The following MTTP variants were observed in gnomAD, a reference collection of about 807,000 sequenced individuals.
The protein encoded by MTTP is microsomal triglyceride transfer protein.
In MTTP, 49 loss-of-function variants were observed where a neutral mutation model predicts 90.6. The ratio of observed to expected loss-of-function variants is 0.54; its 90% confidence interval spans 0.43 to 0.69. The LOEUF (loss-of-function observed/expected upper bound fraction) is 0.69, where lower values mean the gene tolerates loss of function less well. Among genes scored for constraint, MTTP ranks in the 30% least tolerant of loss-of-function variants. The pLI is 0.00. For synonymous variants in MTTP, 347 were observed against 384.2 expected (o/e 0.90, Z 1.13); for missense variants, 945 against 1,067.5 (o/e 0.89, Z 1.60).
chr4:99,591,870 TTGTGTGTG>T (rs34883891), intron 6 of MTTP, 80 bp downstream of exon 6: 4 of 1,230,798 alleles, frequency 3.2e-6, no homozygotes, highest in Admixed American at 4.0e-5. Flanking sequence ...AGATCTGTGT[TTGTGTGTG>T]TGTGTGTGTG....
At chr4:99,578,815 G>T (rs1263626396) in intron 1 of MTTP, among the ~76,000 whole-genome samples, 1 of 152,112 alleles carries the variant, frequency 6.6e-6, no homozygotes, top group Non-Finnish European at 1.5e-5. Flanking sequence ...GTTGAACTTG[G>T]GGTCAGCTTC....
chr4:99,579,782 A>G (rs1165597743), intron 1 of MTTP, among the ~76,000 whole-genome samples: 1 of 152,140 alleles, frequency 6.6e-6, no homozygotes, highest in Non-Finnish European at 1.5e-5. Context: ...TCACACCTGT[A>G]ATCCCAGCAC....
At chr4:99,611,571 G>A in intron 14 of MTTP, 118 bp downstream of exon 14, 1 of 1,380,508 alleles carries the variant, frequency 7.2e-7, no homozygotes, top group Non-Finnish European at 1.0e-6. Flanking sequence ...GGTGGCTTCT[G>A]TCATATTTTG....
chr4:99,607,015 T>G, intron 11 of MTTP, 55 bp downstream of exon 11: 13 of 1,438,124 alleles, frequency 9.0e-6, no homozygotes, highest in Non-Finnish European at 1.2e-5. Context: ...AAAAGCATGC[T>G]GAACATGAGT....
At chr4:99,593,208 G>A (rs1268229879) in intron 6 of MTTP, among the ~76,000 whole-genome samples, 4 of 151,810 alleles carry the variant, frequency 2.6e-5, no homozygotes, top group East Asian at 3.9e-4. Context: ...AACAATTCAC[G>A]GCACATGGTA....
At chr4:99,600,215 T>C (rs1725659502) in intron 8 of MTTP, among the ~76,000 whole-genome samples, 1 of 152,204 alleles carries the variant, frequency 6.6e-6, no homozygotes, top group African/African-American at 2.4e-5. Context: ...ATAGCTTTTA[T>C]GTATTACTCA....
At chr4:99,582,401 G>T (rs187606224) in intron 2 of MTTP, among the ~76,000 whole-genome samples, 1 of 152,142 alleles carries the variant, frequency 6.6e-6, no homozygotes, top group African/African-American at 2.4e-5. Context: ...GGAGAGAAGG[G>T]TCAATAATCC....
chr4:99,584,197 T>C (rs527277234), intron 3 of MTTP: 1 of 152,270 alleles, frequency 6.6e-6, no homozygotes, highest in South Asian at 2.1e-4. Flanking sequence ...GAAACAATTG[T>C]GATCAGTTGA....
intron 16 of MTTP, 143 bp downstream of exon 16, chr4:99,619,241 G>A (rs1726173948): frequency 3.6e-6 from 3 of 823,542 alleles, no homozygotes; most frequent in Non-Finnish European, 5.9e-6. Flanking sequence ...AGAGTTGGAA[G>A]TGATCATAGG....
chr4:99,621,988 G>A (rs1726245866), intron 17 of MTTP, among the ~76,000 whole-genome samples: 1 of 151,976 alleles, frequency 6.6e-6, no homozygotes, highest in Non-Finnish European at 1.5e-5. Context: ...TTTTTAAGTA[G>A]GCCAAAATTG....
intron 3 of MTTP, 27 bp downstream of exon 3, chr4:99,583,544 T>A (rs1248497750): frequency 6.2e-7 from 1 of 1,612,960 alleles, no homozygotes; most frequent in Non-Finnish European, 8.5e-7. Context: ...ATTCCACAAC[T>A]TTTTCTCCAA....
Position 99,564,152 on chromosome 4 carries a change from G to A in MTTP, c.-187G>A. On this transcript the variant is annotated 5_prime_UTR_variant, in exon 1 of 19. Transcript: ENST00000457717. ...GGGGTCTGGAGTTAGTGTTTTGGGA[G>A]TGGGAGGTAGTTACAGTGATGTCTG... The A allele has an allele frequency of 3.3e-6, 5 of 1,535,646 alleles. No homozygotes were observed. The South Asian group carries it at 5.9e-5, about 18-fold the overall frequency.
At chr4:99,616,746 C>G (rs1726107608) in intron 15 of MTTP, among the ~76,000 whole-genome samples, 3 of 152,172 alleles carry the variant, frequency 2.0e-5, no homozygotes. Flanking sequence ...ATGCATTCTT[C>G]TTTTGTCCCT....
chr4:99,589,770 A>T lies in MTTP; in HGVS notation c.501+20A>T. On this transcript the variant is annotated intron_variant, in intron 4 of 17. Transcript: ENST00000265517. ...AATGAGGTACTTACCAATATTAATAAGGATTCAGCATCTCAATAAAATTTG... is the reference window on the plus strand; with the variant it reads ...AATGAGGTACTTACCAATATTAATATGGATTCAGCATCTCAATAAAATTTG... 7.2e-7 allele frequency: 1 copy of T among 1,386,466 alleles called. No homozygotes were observed. Among genetic ancestry groups the T allele is most frequent in the East Asian group, 2.3e-5 (1 of 43,480 alleles). The allele number at this position is 1,386,466 out of a possible 1,614,324, so 85.9% of individuals were successfully genotyped here. A position where few individuals can be genotyped will look rare whatever the true frequency, so the allele number is the denominator to read the frequency against.
At chr4:99,573,180 T>A (rs568873060), upstream of MTTP, among the ~76,000 whole-genome samples, 3 of 152,060 alleles carry the variant, frequency 2.0e-5, no homozygotes, top group Non-Finnish European at 2.9e-5. Flanking sequence ...CAAATGAAAA[T>A]ACATAAGGAC....
At position 99,622,919 on chromosome 4, in the gene MTTP, G is replaced by C. The variant is rs1404297271; in HGVS notation, c.*71G>C. 1.3e-6 allele frequency: 2 copies of C among 1,500,302 alleles called. No homozygotes were observed. The highest frequency in any genetic ancestry group is 2.8e-5 in the African/African-American group (2 of 72,410). The allele number at this position is 1,500,302 out of a possible 1,614,324, so 92.9% of individuals were successfully genotyped here. A position where few individuals can be genotyped will look rare whatever the true frequency, so the allele number is the denominator to read the frequency against. On this transcript the variant is annotated 3_prime_UTR_variant, in exon 18 of 18. Coordinates refer to ENST00000265517, the MANE Select transcript of MTTP (RefSeq NM_001386140.1). ...CACAATGTGGCATGACTAAGTACTT[G>C]CTCTCTGAGAGCACAGCGTTTACAT...
Position 99,594,992 on chromosome 4 carries a change from A to G in MTTP, c.909+109A>G, listed in dbSNP as rs958478433. ...TGAAGACAGTTTCTAAAGAACTACC[A>G]GCTACCACAGAGTTGTGATGACAGC... On this transcript the variant is annotated intron_variant, in intron 7 of 17. Transcript: ENST00000265517. 12 of 1,312,730 alleles carry G rather than the reference A, an allele frequency of 9.1e-6. No individual in the cohort carries two copies. In the African/African-American group the frequency reaches 1.6e-4, roughly 18 times the overall value. The allele number at this position is 1,312,730 out of a possible 1,614,324, so 81.3% of individuals were successfully genotyped here. A position where few individuals can be genotyped will look rare whatever the true frequency, so the allele number is the denominator to read the frequency against.
At chr4:99,570,796 T>C (rs1425737998), upstream of MTTP, 1 of 455,570 alleles carries the variant, frequency 2.2e-6, no homozygotes, top group Non-Finnish European at 4.4e-6. Flanking sequence ...AGCTTACTCT[T>C]GCTGGATTTG....
intron 10 of MTTP, 44 bp downstream of exon 10, chr4:99,601,758 T>C: frequency 7.1e-7 from 1 of 1,398,958 alleles, no homozygotes. Flanking sequence ...TTCTACACCA[T>C]TGTCCATTTG....
Sources: gnomAD v4.1 joint callset for allele counts (sites outside exome capture counted in the v4.1 genomes callset) on GRCh38, gnomAD v4.1.1 for gene constraint, MANE v1.5 for transcripts, NCBI Gene and HGNC (gene_info 2026-07-23, HGNC 2026-07-21) for gene names.